DDR2: variants seen among roughly 807,000 people sequenced by gnomAD.
DDR2 encodes the protein discoidin domain receptor tyrosine kinase 2, also known as discoidin domain-containing receptor 2.
Under a neutral mutation model 94.9 loss-of-function variants are expected in DDR2, and 27 were observed. That is an observed-to-expected ratio of 0.28 (90% confidence interval 0.21 to 0.39). The LOEUF is 0.39. Among genes scored for constraint, DDR2 ranks in the 10% least tolerant of loss-of-function variants. The pLI is 1.00. For missense variants in DDR2, 783 were observed against 1,076.0 expected, an observed-to-expected ratio of 0.73 and a Z score of 3.81; for synonymous variants, 382 against 377.2, an observed-to-expected ratio of 1.01 and a Z score of -0.15.
chr1:162,671,623 T>A (rs1355119751), intron 2 of DDR2, among the ~76,000 whole-genome samples: 2 of 152,208 alleles, frequency 1.3e-5, no homozygotes, highest in Admixed American at 6.5e-5. Flanking sequence ...AGGCTGCCCC[T>A]GGCTTTGGTT....
intron 2 of DDR2, among the ~76,000 whole-genome samples, chr1:162,689,458 A>G (rs1659856528): frequency 6.6e-6 from 1 of 152,164 alleles, no homozygotes; most frequent in African/African-American, 2.4e-5. Flanking sequence ...GTTAAGGCCT[A>G]AAGTCTGTGC....
At chr1:162,770,894 C>G (rs929951770) in intron 12 of DDR2, among the ~76,000 whole-genome samples, 8 of 152,072 alleles carry the variant, frequency 5.3e-5, no homozygotes, top group Non-Finnish European at 1.0e-4. Context: ...TGGGTAAAGG[C>G]AGGACTAGAT....
chr1:162,736,924 A>C (rs1165824570), intron 3 of DDR2, among the ~76,000 whole-genome samples: 1 of 152,230 alleles, frequency 6.6e-6, no homozygotes, highest in East Asian at 1.9e-4. Context: ...AAGTGGGGTA[A>C]GGACAAGGTC....
At chr1:162,727,037 A>AATTATAAATATTATAATAAATAT (rs1661706479) in intron 3 of DDR2, among the ~76,000 whole-genome samples, 1 of 147,164 alleles carries the variant, frequency 6.8e-6, no homozygotes, top group Non-Finnish European at 1.5e-5. Context: ...ATATGATAAA[A>AATTATAAATATTATAATAAATAT]ATTATAAATA....
intron 2 of DDR2, among the ~76,000 whole-genome samples, chr1:162,713,771 T>C (rs1253042677): frequency 6.6e-6 from 1 of 152,180 alleles, no homozygotes; most frequent in Non-Finnish European, 1.5e-5. Context: ...TCTAAGTTTT[T>C]GTTGTTAAAA....
intron 2 of DDR2, among the ~76,000 whole-genome samples, chr1:162,664,604 A>G (rs922282513): frequency 5.3e-5 from 8 of 152,230 alleles, no homozygotes; most frequent in Non-Finnish European, 1.2e-4. Context: ...ACAATGTAAT[A>G]TAAAGATATA....
chr1:162,666,709 A>G (rs1300466354), intron 2 of DDR2, among the ~76,000 whole-genome samples: 2 of 152,134 alleles, frequency 1.3e-5, no homozygotes, highest in Non-Finnish European at 2.9e-5. Flanking sequence ...TTTTTTAAAA[A>G]TTAAAAACCT....
intron 2 of DDR2, among the ~76,000 whole-genome samples, chr1:162,717,280 C>A (rs959840255): frequency 4.6e-5 from 7 of 152,304 alleles, no homozygotes; most frequent in South Asian, 4.1e-4. Flanking sequence ...AGGTGATCCA[C>A]CCGCCTCGGC....
In DDR2 at chr1:162,785,293, G is replaced by A. The variant is rs1475793344; in HGVS notation, c.*5047G>A. The stretch of plus-strand genomic sequence containing the variant: ...TAGAGTAAACCAGTATTTCAGTCAA[G>A]AGTTAGTTGGCACTTAGTTAATGGC... On this transcript the variant is annotated 3_prime_UTR_variant, in exon 18 of 18. Transcript: ENST00000367921. 2 of 152,172 alleles carry A rather than the reference G, an allele frequency of 1.3e-5. No individual in the cohort carries two copies. Among genetic ancestry groups the A allele is most frequent in the Non-Finnish European group, 2.9e-5 (2 of 68,024 alleles). 9.4% of individuals were successfully genotyped at this position (152,172 alleles called of 1,614,324 possible). A position where few individuals can be genotyped will look rare whatever the true frequency, so the allele number is the denominator to read the frequency against.
At chr1:162,770,963 G>C (rs1039114629) in intron 12 of DDR2, among the ~76,000 whole-genome samples, 2 of 152,140 alleles carry the variant, frequency 1.3e-5, no homozygotes, top group African/African-American at 4.8e-5. Flanking sequence ...ATTCCCAGTG[G>C]TGTAGCCATT....
At chr1:162,704,531 G>GTCC (rs1212809472) in intron 2 of DDR2, among the ~76,000 whole-genome samples, 3 of 152,100 alleles carry the variant, frequency 2.0e-5, no homozygotes, top group Non-Finnish European at 4.4e-5. Context: ...ATTTCTCATT[G>GTCC]TCCTGGAGGC....
chr1:162,661,987 A>G (rs1377199329), intron 2 of DDR2, among the ~76,000 whole-genome samples: 1 of 152,164 alleles, frequency 6.6e-6, no homozygotes, highest in African/African-American at 2.4e-5. Flanking sequence ...CTTCTCCTTA[A>G]TTCTAGAGTC....
intron 2 of DDR2, among the ~76,000 whole-genome samples, chr1:162,709,695 G>A (rs557553767): frequency 1.6e-4 from 24 of 152,304 alleles, no homozygotes; most frequent in Admixed American, 1.5e-3. Context: ...TGCGGAGCCT[G>A]GGACAGAAGG....
chr1:162,673,608 TGAGAGAGAGAGAGAGAGAGA>T (rs10684469), intron 2 of DDR2, among the ~76,000 whole-genome samples: 1 of 117,144 alleles, frequency 8.5e-6, no homozygotes, highest in Non-Finnish European at 1.9e-5. Flanking sequence ...TGTGTGTGTG[TGAGAGAGAGAGAGAGAGAGA>T]GAGAGAGAGA....
chr1:162,634,970 G>T (rs1383741475), intron 1 of DDR2, among the ~76,000 whole-genome samples: 1 of 152,164 alleles, frequency 6.6e-6, no homozygotes, highest in Admixed American at 6.5e-5. Context: ...GCTGCTCCTG[G>T]GGTGGGGGTG....
Position 162,770,303 on chromosome 1 carries a change from C to T in DDR2, c.1295C>T (p.Ala432Val). 6.2e-7 allele frequency: 1 copy of T among 1,614,004 alleles called. No homozygotes were observed. Among genetic ancestry groups the T allele is most frequent in the South Asian group, 1.1e-5 (1 of 91,068 alleles). ...RQFWQKMLEK[A>V]SRRMLDDEMT... ...TTTCTCCTTGCTCTTCTCTTCCAGG[C>T]TTCTCGGAGGATGCTGGATGATGAA... Residue 432 changes from alanine (A) to valine (V), a missense_variant and splice_region_variant, in exon 12 of 18, where the codon GCT becomes GTT. Ala to Val is a moderately conservative substitution (Grantham distance 64, BLOSUM62 0). Coordinates refer to ENST00000367921, the MANE Select transcript of DDR2 (RefSeq NM_006182.4).
rs1349515315 is a variant in DDR2, at chr1:162,782,857, TAC to T, written c.*2613_*2614del. 2 of 152,176 alleles carry T rather than the reference TAC, an allele frequency of 1.3e-5. No individual in the cohort carries two copies. The highest frequency in any genetic ancestry group is 1.3e-4 in the Admixed American group (2 of 15,274). 9.4% of individuals were successfully genotyped at this position (152,176 alleles called of 1,614,324 possible). ...CTGCCCAATATGTATTATCATGTAA[TAC>T]ATATCTGTGTCCTTTTCTGGGATGA... On this transcript the variant is annotated 3_prime_UTR_variant, in exon 18 of 18. Coordinates refer to ENST00000367921, the MANE Select transcript of DDR2 (RefSeq NM_006182.4).
intron 2 of DDR2, among the ~76,000 whole-genome samples, chr1:162,679,950 T>TTCATGTTC (rs1192018585): frequency 8.5e-5 from 13 of 152,186 alleles, no homozygotes; most frequent in African/African-American, 3.1e-4. Flanking sequence ...AAAATGTCTG[T>TTCATGTTC]TCATGTTCTT....
At chr1:162,688,130 C>T (rs1659778699) in intron 2 of DDR2, among the ~76,000 whole-genome samples, 1 of 152,176 alleles carries the variant, frequency 6.6e-6, no homozygotes, top group African/African-American at 2.4e-5. Context: ...TGGCTTCTAC[C>T]AATGGGAATA....
Sources: gnomAD v4.1 joint callset for allele counts (sites outside exome capture counted in the v4.1 genomes callset) on GRCh38, gnomAD v4.1.1 for gene constraint, MANE v1.5 for transcripts, NCBI Gene and HGNC (gene_info 2026-07-23, HGNC 2026-07-21) for gene names.